Variants in PRIM2 observed in about 807,000 individuals in gnomAD.
PRIM2 encodes DNA primase subunit 2, also known as DNA primase large subunit.
PRIM2 carries 39 observed loss-of-function variants against 67.3 expected under a neutral mutation model. The observed-to-expected ratio is 0.58, with a 90% CI of 0.45 to 0.76. The LOEUF is 0.76. PRIM2 is among the 30% of genes least tolerant of loss of function. The pLI, the probability that PRIM2 is intolerant of heterozygous loss-of-function variation, is 0.00. For synonymous variants in PRIM2, 143 were observed against 198.7 expected (o/e 0.72, Z 2.36); for missense variants, 398 against 598.7 (o/e 0.66, Z 3.50).
intron 8 of PRIM2, 73 bp from the exon 9 acceptor site, chr6:57,532,338 T>A (rs1362060078): frequency 3.4e-6 from 2 of 580,366 alleles, no homozygotes; most frequent in Non-Finnish European, 2.7e-6. Flanking sequence ...TTTCAGAATT[T>A]AAAAAATTTC....
chr6:57,346,680 T>C (rs1260799582), intron 5 of PRIM2, among the ~76,000 whole-genome samples: 3 of 152,178 alleles, frequency 2.0e-5, no homozygotes, highest in Non-Finnish European at 4.4e-5. Context: ...CCAAGTTCCC[T>C]GAAAAGTTAA....
intron 7 of PRIM2, among the ~76,000 whole-genome samples, chr6:57,505,546 T>C (rs1774232746): frequency 6.6e-6 from 1 of 152,212 alleles, no homozygotes; most frequent in Non-Finnish European, 1.5e-5. Context: ...ACTGATGTAA[T>C]AACTTTACCC....
intron 10 of PRIM2, among the ~76,000 whole-genome samples, chr6:57,585,376 C>CTACT (rs1776170758): frequency 6.6e-6 from 1 of 152,142 alleles, no homozygotes; most frequent in Non-Finnish European, 1.5e-5. Context: ...TATTCAGGAA[C>CTACT]TACTGTAATA....
rs537844222 is a variant in PRIM2 at position 57,397,069 on chromosome 6, C to T, written c.693+14901C>T. 4.6e-5 allele frequency among the ~76,000 whole-genome samples: 7 copies of T among 152,206 alleles called. No homozygotes were observed. The East Asian group carries it at 1.2e-3, about 25-fold the overall frequency. ...CTGTTAGGTTTTCTTTTATAGGTTACCTGGTGCTTCTGTCTCACAGCTCTT... is the reference window on the plus strand; with the variant it reads ...CTGTTAGGTTTTCTTTTATAGGTTATCTGGTGCTTCTGTCTCACAGCTCTT... On this transcript the variant is annotated intron_variant, in intron 7 of 13. Coordinates refer to ENST00000615550, the MANE Select transcript of PRIM2 (RefSeq NM_000947.5).
chr6:57,331,592 TAA>T (rs1408333297), intron 5 of PRIM2, among the ~76,000 whole-genome samples: 1 of 152,240 alleles, frequency 6.6e-6, no homozygotes, highest in Non-Finnish European at 1.5e-5. Context: ...TGAATCTATT[TAA>T]GTTTTATATT....
chr6:57,638,285 A>G (rs1777159014), intron 13 of PRIM2, among the ~76,000 whole-genome samples: 1 of 152,206 alleles, frequency 6.6e-6, no homozygotes, highest in Admixed American at 6.5e-5. Context: ...GGTACCAGCA[A>G]CTGCAAAAAC....
At chr6:57,257,407 G>A in the PRIM2 span, among the ~76,000 whole-genome samples, 1 of 151,992 alleles carries the variant, frequency 6.6e-6, no homozygotes, top group South Asian at 2.1e-4. Context: ...GAATAGCTGG[G>A]ATTACAGGCA....
chr6:57,466,463 C>A (rs1287147276), intron 7 of PRIM2, among the ~76,000 whole-genome samples: 1 of 152,198 alleles, frequency 6.6e-6, no homozygotes, highest in African/African-American at 2.4e-5. Context: ...TCCTATTTCT[C>A]CACATCCTCT....
chr6:57,450,393 G>A (rs1391713867), intron 7 of PRIM2, among the ~76,000 whole-genome samples: 2 of 152,158 alleles, frequency 1.3e-5, no homozygotes, highest in Non-Finnish European at 2.9e-5. Flanking sequence ...CTGTACCATA[G>A]TTTATAAAGG....
chr6:57,347,739 C>A (rs1768725452), intron 5 of PRIM2, among the ~76,000 whole-genome samples: 1 of 123,710 alleles, frequency 8.1e-6, no homozygotes, highest in African/African-American at 2.6e-5. Context: ...TCACTGTGAC[C>A]AGCCAGGTTT....
chr6:57,473,769 G>T (rs1488112970), intron 7 of PRIM2, among the ~76,000 whole-genome samples: 1 of 152,048 alleles, frequency 6.6e-6, no homozygotes, highest in African/African-American at 2.4e-5. Context: ...CTTAAGTTTT[G>T]TAACTTTACC....
At chr6:57,469,850 A>G (rs1176471620) in intron 7 of PRIM2, among the ~76,000 whole-genome samples, 2 of 152,226 alleles carry the variant, frequency 1.3e-5, no homozygotes, top group African/African-American at 4.8e-5. Context: ...ACTATTCTAA[A>G]TATCTAAAAG....
At chr6:57,455,864 T>G (rs201004968) in intron 7 of PRIM2, among the ~76,000 whole-genome samples, 2 of 152,184 alleles carry the variant, frequency 1.3e-5, no homozygotes, top group Middle Eastern at 3.2e-3. Context: ...GTTAGTTGAT[T>G]CAGTTTCTTC....
the PRIM2 span, among the ~76,000 whole-genome samples, chr6:57,229,492 ATT>A: frequency 1.3e-5 from 1 of 78,706 alleles, no homozygotes; most frequent in Non-Finnish European, 3.0e-5. Flanking sequence ...TTTTTTATTT[ATT>A]TTTTTTTTTT....
chr6:57,593,552 C>T (rs1471235104), intron 10 of PRIM2, among the ~76,000 whole-genome samples: 1 of 152,226 alleles, frequency 6.6e-6, no homozygotes, highest in African/African-American at 2.4e-5. Context: ...ATCCATCCGC[C>T]TCGGCCTCCC....
At chr6:57,595,356 C>T in intron 10 of PRIM2, among the ~76,000 whole-genome samples, 1 of 152,292 alleles carries the variant, frequency 6.6e-6, no homozygotes, top group Non-Finnish European at 1.5e-5. Context: ...GTACTCTCAA[C>T]ACAGAGAGTA....
At chr6:57,359,546 G>T (rs572503740) in intron 5 of PRIM2, among the ~76,000 whole-genome samples, 1 of 152,258 alleles carries the variant, frequency 6.6e-6, no homozygotes, top group Admixed American at 6.5e-5. Flanking sequence ...TAATACAATG[G>T]CTGTTATTTT....
chr6:57,236,053 G>T, the PRIM2 span, among the ~76,000 whole-genome samples: 1 of 152,152 alleles, frequency 6.6e-6, no homozygotes, highest in African/African-American at 2.4e-5. Flanking sequence ...AATTTGTGTT[G>T]TCTTAGAGCA....
At chr6:57,617,717 ACTT>A (rs1454137764) in intron 12 of PRIM2, among the ~76,000 whole-genome samples, 4 of 152,126 alleles carry the variant, frequency 2.6e-5, no homozygotes, top group Non-Finnish European at 5.9e-5. Context: ...CTTGTCAACA[ACTT>A]CTTAATGTCT....
Sources: allele counts gnomAD v4.1 joint callset (sites outside exome capture counted in the v4.1 genomes callset), GRCh38; gene constraint gnomAD v4.1.1; transcripts MANE v1.5; gene names NCBI Gene and HGNC (gene_info 2026-07-23, HGNC 2026-07-21).